Variants in CGNL1 observed in about 807,000 individuals in gnomAD.
CGNL1 encodes cingulin-like protein 1.
Under a neutral mutation model 141.2 loss-of-function variants are expected in CGNL1, and 132 were observed. That is an observed-to-expected ratio of 0.93 (90% confidence interval 0.81 to 1.08). The LOEUF (loss-of-function observed/expected upper bound fraction) is 1.08. CGNL1 is among the 50% of genes least tolerant of loss of function. CGNL1 has a pLI of 0.00. For synonymous variants in CGNL1, 690 were observed against 622.1 expected (o/e 1.11, Z -1.63); for missense variants, 1,870 against 1,588.6 (o/e 1.18, Z -3.01).
intron 1 of CGNL1, among the ~76,000 whole-genome samples, chr15:57,391,695 A>G (rs1310438324): frequency 1.5e-4 from 23 of 152,258 alleles, no homozygotes; most frequent in Non-Finnish European, 1.3e-4. Flanking sequence ...CATGTAAACA[A>G]GAAGTCCAAA....
In CGNL1 at chr15:57,411,469, A is replaced by G. The variant is rs1274113879; in HGVS notation, c.-15-26516A>G. Among the ~76,000 whole-genome samples, 3 of 147,244 alleles carry G rather than the reference A, an allele frequency of 2.0e-5. No individual in the cohort carries two copies. The East Asian group carries it at 5.9e-4, about 29-fold the overall frequency. On this transcript the variant is annotated intron_variant, in intron 1 of 18. Coordinates refer to ENST00000281282, the MANE Select transcript of CGNL1 (RefSeq NM_032866.5). ...TTTCTTTTTTTTTTTTTTGAGACAG[A>G]GCCTTGCTCTGTCACCCAGGCTGGA...
intron 1 of CGNL1, among the ~76,000 whole-genome samples, chr15:57,394,421 G>A (rs6493928): frequency 0.46 from 70,078 of 151,904 alleles, 16,291 homozygotes; most frequent in East Asian, 0.62. Context: ...CACCATGCCC[G>A]GCTTATTTGG....
chr15:57,419,721 G>T (rs756601436), intron 1 of CGNL1, among the ~76,000 whole-genome samples: 4 of 152,032 alleles, frequency 2.6e-5, no homozygotes, highest in Non-Finnish European at 4.4e-5. Context: ...TACTGATATT[G>T]ATCTTGATAA....
intron 1 of CGNL1, among the ~76,000 whole-genome samples, chr15:57,403,200 G>A (rs1211510899): frequency 6.6e-6 from 1 of 152,158 alleles, no homozygotes; most frequent in Non-Finnish European, 1.5e-5. Flanking sequence ...GGTGGTCTTG[G>A]CCAGACCAGC....
chr15:57,405,289 A>G (rs1480069781), intron 1 of CGNL1: 1 of 152,162 alleles, frequency 6.6e-6, no homozygotes, highest in African/African-American at 2.4e-5. Context: ...TGACGTTAAC[A>G]TATCATTGTT....
At chr15:57,484,449 G>A (rs2063763095) in intron 8 of CGNL1, among the ~76,000 whole-genome samples, 2 of 152,124 alleles carry the variant, frequency 1.3e-5, no homozygotes, top group African/African-American at 2.4e-5. Flanking sequence ...TTCTGATATT[G>A]GTAATTTGTA....
intron 1 of CGNL1, among the ~76,000 whole-genome samples, chr15:57,423,643 C>T (rs1225521972): frequency 6.6e-6 from 1 of 152,162 alleles, no homozygotes; most frequent in Non-Finnish European, 1.5e-5. Context: ...TTTGGCTTAC[C>T]TGACCCCTCC....
In CGNL1 at chr15:57,442,364, C is replaced by CT. The variant is rs1437509052; in HGVS notation, c.1698-4dup. The CT allele has an allele frequency of 6.3e-7, 1 of 1,587,632 alleles. No homozygotes were observed. The highest frequency in any genetic ancestry group is 2.2e-5 in the East Asian group (1 of 44,682). ...TCCCTCATTGTTTTCTCTGCTGTCC[C>CT]TTTTTCAGAAGCACTGATAATGACG... On this transcript the variant is annotated splice_polypyrimidine_tract_variant and intron_variant, in intron 3 of 18. Transcript: ENST00000281282.
At chr15:57,501,565 G>A (rs1164737106) in intron 8 of CGNL1, among the ~76,000 whole-genome samples, 4 of 152,240 alleles carry the variant, frequency 2.6e-5, no homozygotes, top group African/African-American at 9.6e-5. Flanking sequence ...GAGAGGTGGA[G>A]ACGGGGTGTT....
At chr15:57,452,912 G>A (rs1458424052) in intron 6 of CGNL1, among the ~76,000 whole-genome samples, 1 of 152,168 alleles carries the variant, frequency 6.6e-6, no homozygotes. Flanking sequence ...AGAAAAAGAG[G>A]ACATTATATA....
At chr15:57,483,047 A>G (rs1331847394) in intron 8 of CGNL1, among the ~76,000 whole-genome samples, 1 of 152,212 alleles carries the variant, frequency 6.6e-6, no homozygotes, top group African/African-American at 2.4e-5. Flanking sequence ...GCGGCCTCCT[A>G]AAGTGCTGGG....
intron 1 of CGNL1, among the ~76,000 whole-genome samples, chr15:57,435,649 C>T (rs1445543785): frequency 6.6e-6 from 1 of 151,914 alleles, no homozygotes; most frequent in Admixed American, 6.6e-5. Context: ...ATGATAGTAG[C>T]TAAAATGTTT....
At chr15:57,486,019 T>C (rs981903443) in intron 8 of CGNL1, among the ~76,000 whole-genome samples, 5 of 152,054 alleles carry the variant, frequency 3.3e-5, no homozygotes, top group African/African-American at 1.2e-4. Context: ...AAGTCAGGAA[T>C]GTGTGAGTAG....
chr15:57,429,088 G>A (rs1371308881), intron 1 of CGNL1, among the ~76,000 whole-genome samples: 2 of 151,850 alleles, frequency 1.3e-5, no homozygotes, highest in African/African-American at 2.4e-5. Flanking sequence ...AGCTTCTTTT[G>A]TTGGGTACTT....
At chr15:57,531,562 T>A (rs1433072726) in intron 13 of CGNL1, 128 bp from the exon 14 acceptor site, 3 of 670,572 alleles carry the variant, frequency 4.5e-6, no homozygotes, top group African/African-American at 3.6e-5. Flanking sequence ...ATAGATATAT[T>A]GTTTTTCCAA....
chr15:57,454,492 G>C (rs1196403291), intron 7 of CGNL1, among the ~76,000 whole-genome samples: 3 of 152,134 alleles, frequency 2.0e-5, no homozygotes, highest in African/African-American at 7.2e-5. Flanking sequence ...TCCTCCTCCA[G>C]TTTTGAAATA....
intron 16 of CGNL1, among the ~76,000 whole-genome samples, 195 bp from the exon 17 acceptor site, chr15:57,545,397 C>T (rs1365000426): frequency 1.3e-5 from 2 of 152,224 alleles, no homozygotes; most frequent in African/African-American, 4.8e-5. Context: ...GGGCCAGTCA[C>T]TCCCCTTCTC....
At chr15:57,520,150 A>G (rs956032130) in intron 10 of CGNL1, among the ~76,000 whole-genome samples, 2 of 152,248 alleles carry the variant, frequency 1.3e-5, no homozygotes, top group Non-Finnish European at 2.9e-5. Context: ...GCAGCTGGCA[A>G]GAATTAAAAA....
intron 14 of CGNL1, among the ~76,000 whole-genome samples, chr15:57,532,547 T>C (rs1567173993): frequency 6.6e-6 from 1 of 152,224 alleles, no homozygotes. Context: ...CCGTCATCTA[T>C]AACACGAGCA....
Sources: allele counts gnomAD v4.1 joint callset (sites outside exome capture counted in the v4.1 genomes callset), GRCh38; gene constraint gnomAD v4.1.1; transcripts MANE v1.5; gene names NCBI Gene and HGNC (gene_info 2026-07-23, HGNC 2026-07-21).